DCLK1: variants seen among roughly 807,000 people sequenced by gnomAD.
DCLK1 encodes the protein serine/threonine-protein kinase DCLK1.
In DCLK1, 16 loss-of-function variants were observed where a neutral mutation model predicts 86.2. The observed-to-expected ratio is 0.19, with a 90% CI of 0.13 to 0.28. The LOEUF (loss-of-function observed/expected upper bound fraction) is 0.28. Ranked by LOEUF, DCLK1 falls within the 10% of genes least tolerant of loss-of-function variation. DCLK1 has a pLI of 1.00. For synonymous variants in DCLK1, 369 were observed against 370.5 expected (o/e 1.00, Z 0.05); for missense variants, 590 against 940.2 (o/e 0.63, Z 4.87).
chr13:35,879,378 A>C (rs1872757400), intron 4 of DCLK1, among the ~76,000 whole-genome samples: 1 of 152,208 alleles, frequency 6.6e-6, no homozygotes, highest in East Asian at 1.9e-4. Flanking sequence ...TAACATCTGC[A>C]GAAGGCTTTA....
chr13:35,825,537 T>C (rs1362055805), intron 10 of DCLK1, among the ~76,000 whole-genome samples: 1 of 152,074 alleles, frequency 6.6e-6, no homozygotes, highest in African/African-American at 2.4e-5. Flanking sequence ...GCCTAAGCCT[T>C]TGCCATCTTG....
chr13:36,025,830 A>C (rs756171139), intron 3 of DCLK1, among the ~76,000 whole-genome samples: 2 of 152,194 alleles, frequency 1.3e-5, no homozygotes, highest in African/African-American at 2.4e-5. Context: ...ATAAAAAAAA[A>C]TTTAGACGTG....
At chr13:36,095,927 A>C (rs1885002230) in intron 3 of DCLK1, among the ~76,000 whole-genome samples, 1 of 152,232 alleles carries the variant, frequency 6.6e-6, no homozygotes, top group African/African-American at 2.4e-5. Flanking sequence ...GCTTTAGCTA[A>C]AGGAAATTAC....
intron 16 of DCLK1, among the ~76,000 whole-genome samples, chr13:35,780,177 T>C (rs1035972972): frequency 6.6e-6 from 1 of 152,108 alleles, no homozygotes; most frequent in Non-Finnish European, 1.5e-5. Flanking sequence ...CACAAAAAAA[T>C]CCCCAGACAT....
At chr13:35,845,205 A>T (rs1437109232) in intron 6 of DCLK1, among the ~76,000 whole-genome samples, 4 of 152,154 alleles carry the variant, frequency 2.6e-5, no homozygotes, top group African/African-American at 9.7e-5. Context: ...CCAAGATCGC[A>T]CCACTGCACT....
At chr13:36,121,600 TA>T (rs1885994681) in intron 2 of DCLK1, among the ~76,000 whole-genome samples, 1 of 152,228 alleles carries the variant, frequency 6.6e-6, no homozygotes, top group African/African-American at 2.4e-5. Flanking sequence ...GCCTAATTTA[TA>T]AATTAAACTT....
chr13:35,795,415 A>G lies in DCLK1; in HGVS notation c.1945-1936T>C, dbSNP rs547623168. 5.9e-5 allele frequency among the ~76,000 whole-genome samples: 9 copies of G among 152,356 alleles called. No homozygotes were observed. In the South Asian group the frequency reaches 1.9e-3, roughly 32 times the overall value. ...TGAAGCCTTCATCTCCATTAGGAATAGAGCTTTTTAATAAGAGGACTGTAA... is the reference window on the plus strand; with the variant it reads ...TGAAGCCTTCATCTCCATTAGGAATGGAGCTTTTTAATAAGAGGACTGTAA... On this transcript the variant is annotated intron_variant, in intron 15 of 16. Transcript: ENST00000360631.
intron 6 of DCLK1, among the ~76,000 whole-genome samples, chr13:35,840,411 T>C (rs1869708111): frequency 6.6e-6 from 1 of 152,186 alleles, no homozygotes; most frequent in Non-Finnish European, 1.5e-5. Flanking sequence ...CACAGAACGT[T>C]TTCCTGGGTG....
intron 4 of DCLK1, among the ~76,000 whole-genome samples, chr13:35,928,206 C>T (rs1477256111): frequency 6.6e-6 from 1 of 152,092 alleles, no homozygotes; most frequent in African/African-American, 2.4e-5. Flanking sequence ...TATGGCTGGT[C>T]CTGAAGCGTG....
At chr13:36,110,975 C>T (rs928403125) in intron 3 of DCLK1, among the ~76,000 whole-genome samples, 2 of 151,660 alleles carry the variant, frequency 1.3e-5, no homozygotes, top group Admixed American at 6.6e-5. Context: ...GGACTACAGG[C>T]GCCCACCACC....
chr13:36,027,596 A>C (rs79550501), intron 3 of DCLK1, among the ~76,000 whole-genome samples: 85 of 152,348 alleles, frequency 5.6e-4, no homozygotes, highest in African/African-American at 2.0e-3. Flanking sequence ...CCTCCAAGAT[A>C]ATTACTGCAG....
At chr13:36,040,538 T>C (rs1882666246) in intron 3 of DCLK1, among the ~76,000 whole-genome samples, 1 of 151,558 alleles carries the variant, frequency 6.6e-6, no homozygotes, top group Non-Finnish European at 1.5e-5. Context: ...CTTATCACTA[T>C]TGATGTTGAC....
intron 3 of DCLK1, among the ~76,000 whole-genome samples, chr13:35,958,365 G>A (rs998630387): frequency 1.1e-3 from 11 of 10,344 alleles, no homozygotes; most frequent in East Asian, 2.3e-3. Context: ...TATCACTGCC[G>A]TCACCACTAT....
At chr13:35,958,914 T>G (rs1381483100) in intron 3 of DCLK1, among the ~76,000 whole-genome samples, 1 of 152,234 alleles carries the variant, frequency 6.6e-6, no homozygotes, top group Non-Finnish European at 1.5e-5. Context: ...TTCTCTGGAA[T>G]TGTTTGAATA....
chr13:36,006,070 G>A (rs981029042), intron 3 of DCLK1, among the ~76,000 whole-genome samples: 2 of 152,002 alleles, frequency 1.3e-5, no homozygotes, highest in Admixed American at 6.6e-5. Flanking sequence ...ATGCATGCGG[G>A]GCTTAAAACC....
At chr13:36,075,393 T>A (rs578026048) in intron 3 of DCLK1, among the ~76,000 whole-genome samples, 1 of 152,282 alleles carries the variant, frequency 6.6e-6, no homozygotes, top group African/African-American at 2.4e-5. Flanking sequence ...GGGGAAAATA[T>A]GAATGAGGAT....
At chr13:35,819,121 C>T (rs183701286) in intron 11 of DCLK1, among the ~76,000 whole-genome samples, 4 of 152,120 alleles carry the variant, frequency 2.6e-5, no homozygotes, top group African/African-American at 9.7e-5. Flanking sequence ...AAGTACCAGG[C>T]ATGACAACCA....
intron 4 of DCLK1, among the ~76,000 whole-genome samples, chr13:35,892,767 C>T (rs1340738826): frequency 6.6e-6 from 1 of 152,210 alleles, no homozygotes; most frequent in Non-Finnish European, 1.5e-5. Context: ...GTCTCACTTC[C>T]CTGTTCCCTT....
rs552912838 is a variant in DCLK1, at chr13:36,016,753, A to T, written c.724-69296T>A. 4.6e-5 allele frequency among the ~76,000 whole-genome samples: 7 copies of T among 152,352 alleles called. No homozygotes were observed. The East Asian group carries it at 1.3e-3, about 29-fold the overall frequency. Reference sequence around the variant, plus strand: ...GTAGCCACATTAATAAACTAAAAAGAAATAAATGAAATTAATTTTGATAAT... The same window carrying T: ...GTAGCCACATTAATAAACTAAAAAGTAATAAATGAAATTAATTTTGATAAT... On this transcript the variant is annotated intron_variant, in intron 3 of 16. Transcript: ENST00000360631.
Sources: allele counts gnomAD v4.1 joint callset (sites outside exome capture counted in the v4.1 genomes callset), GRCh38; gene constraint gnomAD v4.1.1; transcripts MANE v1.5; gene names NCBI Gene and HGNC (gene_info 2026-07-23, HGNC 2026-07-21).